DMD: variants seen among roughly 807,000 people sequenced by gnomAD.
DMD encodes mutant dystrophin.
Under a neutral mutation model 330.1 loss-of-function variants are expected in DMD, and 63 were observed. The ratio of observed to expected loss-of-function variants is 0.19; its 90% CI spans 0.16 to 0.24. The LOEUF is 0.24. Ranked by LOEUF, DMD falls within the 10% of genes least tolerant of loss-of-function variation. The pLI, the probability that DMD is intolerant of heterozygous loss-of-function variation, is 1.00. For missense variants in DMD, 3,344 were observed against 2,684.1 expected, an observed-to-expected ratio of 1.25 and a Z score of -5.43; for synonymous variants, 1,223 against 959.8, an observed-to-expected ratio of 1.27 and a Z score of -5.07.
chrX:32,797,150 C>T (rs1197056368), intron 7 of DMD, among the ~76,000 whole-genome samples: 1 of 110,804 alleles, frequency 9.0e-6, no homozygotes, highest in African/African-American at 3.3e-5. Flanking sequence ...GGGACAGGGC[C>T]TCAGTTCTTT....
intron 59 of DMD, among the ~76,000 whole-genome samples, chrX:31,473,361 G>A (rs1294178023): frequency 3.2e-5 from 3 of 94,959 alleles, no homozygotes; most frequent in Non-Finnish European, 6.1e-5. Flanking sequence ...GAGTGAGACT[G>A]TCTCAAAAAA....
intron 19 of DMD, among the ~76,000 whole-genome samples, chrX:32,492,245 G>C (rs1603634759): frequency 1.8e-5 from 2 of 111,895 alleles, no homozygotes; most frequent in South Asian, 7.5e-4. Context: ...GGCTGAGGCA[G>C]GAGAATGGCG....
intron 64 of DMD, among the ~76,000 whole-genome samples, chrX:31,220,859 C>G (rs1233795515): frequency 5.3e-5 from 5 of 94,134 alleles, no homozygotes; most frequent in African/African-American, 1.6e-4. Flanking sequence ...CAAATGAATT[C>G]GTAAACTTTC....
At position 32,454,646 on chromosome X, in the gene DMD, CTTTTTTTT is replaced by C; in HGVS notation, c.3603+8_3603+15del. On this transcript the variant is annotated splice_region_variant and intron_variant, in intron 26 of 78. Coordinates refer to ENST00000357033, the MANE Select transcript of DMD (RefSeq NM_004006.3). The stretch of plus-strand genomic sequence containing the variant: ...ATTTCCTTTGTTTTACTTAGTTTTT[CTTTTTTTT>C]TTTTTACCTTCATCTCTTCAACTGC... 1.0e-6 allele frequency: 1 copy of C among 999,574 alleles called. No homozygotes were observed. Among genetic ancestry groups the C allele is most frequent in the South Asian group, 2.2e-5 (1 of 45,849 alleles). 82.4% of individuals were successfully genotyped at this position (999,574 alleles called of 1,213,427 possible).
At chrX:32,344,555 T>C (rs999078242) in intron 39 of DMD, among the ~76,000 whole-genome samples, 1 of 111,417 alleles carries the variant, frequency 9.0e-6, no homozygotes, top group Admixed American at 9.6e-5. Context: ...GCTGCTTTTT[T>C]CAAAGGTAGC....
intron 1 of DMD, among the ~76,000 whole-genome samples, chrX:33,306,767 G>GACTCT (rs999558430): frequency 1.5e-4 from 17 of 110,861 alleles, no homozygotes; most frequent in African/African-American, 5.3e-4. Flanking sequence ...TGGGGACCCA[G>GACTCT]ACTCTGTCTC....
At chrX:32,611,808 C>A (rs1413282517) in intron 12 of DMD, among the ~76,000 whole-genome samples, 1 of 112,053 alleles carries the variant, frequency 8.9e-6, no homozygotes, top group East Asian at 2.8e-4. Flanking sequence ...CTAATCTTGG[C>A]CTTTTCTAAA....
chrX:31,666,192 C>A (rs1286080036), intron 53 of DMD, among the ~76,000 whole-genome samples: 1 of 111,548 alleles, frequency 9.0e-6, no homozygotes, highest in Admixed American at 9.5e-5. Flanking sequence ...TGGTAGACTG[C>A]ATTATTGTTC....
At chrX:32,687,229 G>C (rs1332063021) in intron 9 of DMD, among the ~76,000 whole-genome samples, 1 of 112,085 alleles carries the variant, frequency 8.9e-6, no homozygotes, top group East Asian at 2.8e-4. Flanking sequence ...TCAGTAAGTA[G>C]AGTGCACTTT....
chrX:32,304,051 C>T (rs756322928), intron 42 of DMD, among the ~76,000 whole-genome samples: 13 of 111,495 alleles, frequency 1.2e-4, no homozygotes, highest in African/African-American at 4.2e-4. Flanking sequence ...ACTTTCTAAA[C>T]ACAGCTACGT....
chrX:32,371,344 G>C (rs747397129), intron 34 of DMD, among the ~76,000 whole-genome samples: 3 of 110,932 alleles, frequency 2.7e-5, no homozygotes, highest in African/African-American at 6.5e-5. Context: ...GTGTGTGTTT[G>C]TGTGTGTTCC....
chrX:32,391,957 T>C (rs143038462), intron 30 of DMD, among the ~76,000 whole-genome samples: 1,334 of 112,117 alleles, frequency 0.012, 11 homozygotes, highest in South Asian at 0.076. Flanking sequence ...GCCACGTAAT[T>C]CTGGCCAACT....
At chrX:32,595,675 T>C in intron 13 of DMD, 82 bp downstream of exon 13, 2 of 935,911 alleles carry the variant, frequency 2.1e-6, no homozygotes, top group Non-Finnish European at 3.0e-6. Context: ...ATATATAAAT[T>C]GCATTCTAAA....
intron 78 of DMD, among the ~76,000 whole-genome samples, chrX:31,122,229 C>T (rs1359962058): frequency 3.6e-5 from 4 of 112,132 alleles, no homozygotes; most frequent in African/African-American, 1.3e-4. Flanking sequence ...AAATATATAT[C>T]AAAAGAATTC....
At chrX:33,274,220 T>A (rs954692733) in intron 1 of DMD, among the ~76,000 whole-genome samples, 2 of 112,265 alleles carry the variant, frequency 1.8e-5, no homozygotes, top group Admixed American at 1.9e-4. Context: ...AGAATTCTAC[T>A]GTTCATATTT....
At chrX:32,749,172 A>G (rs772673565) in intron 7 of DMD, among the ~76,000 whole-genome samples, 4 of 112,377 alleles carry the variant, frequency 3.6e-5, no homozygotes, top group Non-Finnish European at 5.6e-5. Flanking sequence ...TTGAATCACT[A>G]TAATATCCAT....
chrX:31,242,871 G>C (rs2048486381), intron 63 of DMD, among the ~76,000 whole-genome samples: 1 of 111,064 alleles, frequency 9.0e-6, no homozygotes. Context: ...AAATAATATG[G>C]TTGTCATTTG....
At chrX:31,176,889 T>C (rs143787321) in intron 71 of DMD, among the ~76,000 whole-genome samples, 2,363 of 111,310 alleles carry the variant, frequency 0.021, 59 homozygotes, top group African/African-American at 0.072. Context: ...AAAATAAACC[T>C]CAATTAATAA....
chrX:32,688,366 C>T lies in DMD; in HGVS notation c.960+9504G>A, dbSNP rs149675916. 6.9e-3 allele frequency among the ~76,000 whole-genome samples: 774 copies of T among 112,130 alleles called. 3 individuals are homozygous for T. The highest frequency in any genetic ancestry group is 0.022 in the South Asian group (59 of 2,717). On this transcript the variant is annotated intron_variant, in intron 9 of 78. Coordinates refer to ENST00000357033, the MANE Select transcript of DMD (RefSeq NM_004006.3). ...TTATATATCATCTCTTCCAGAAACT[C>T]CAAATATCTTTACCAAATGTAAAAA... is the stretch of plus-strand genomic sequence containing the variant.
Sources: allele counts gnomAD v4.1 joint callset (sites outside exome capture counted in the v4.1 genomes callset), GRCh38; gene constraint gnomAD v4.1.1; transcripts MANE v1.5; gene names NCBI Gene and HGNC (gene_info 2026-07-23, HGNC 2026-07-21).